The following ZNRF3 variants were observed in gnomAD, a reference collection of about 807,000 sequenced individuals.
ZNRF3 encodes zinc and ring finger 3.
ZNRF3 carries 23 observed loss-of-function variants against 72.5 expected under a neutral mutation model. The observed-to-expected ratio is 0.32, with a 90% confidence interval of 0.23 to 0.45. The LOEUF is 0.45. ZNRF3 is among the 20% of genes least tolerant of loss of function. The pLI, the probability that ZNRF3 is intolerant of heterozygous loss-of-function variation, is 1.00. For synonymous variants in ZNRF3, 610 were observed against 545.3 expected, an observed-to-expected ratio of 1.12 and a Z score of -1.65; for missense variants, 1,169 against 1,272.1, an observed-to-expected ratio of 0.92 and a Z score of 1.23.
chr22:28,906,627 C>T (rs569436723), intron 1 of ZNRF3, among the ~76,000 whole-genome samples: 16 of 152,308 alleles, frequency 1.1e-4, no homozygotes, highest in African/African-American at 3.4e-4. Flanking sequence ...AACACATGTT[C>T]GGTTGGTGTC....
intron 1 of ZNRF3, among the ~76,000 whole-genome samples, chr22:28,939,269 G>A (rs1358422974): frequency 7.4e-6 from 1 of 134,440 alleles, no homozygotes; most frequent in Non-Finnish European, 1.6e-5. Context: ...GGGCAACAGA[G>A]TGAGGCTCTA....
At chr22:28,951,764 G>A (rs917974046) in intron 1 of ZNRF3, among the ~76,000 whole-genome samples, 3 of 152,180 alleles carry the variant, frequency 2.0e-5, no homozygotes, top group African/African-American at 4.8e-5. Context: ...TGACCTGTGC[G>A]CCTGCCATGT....
intron 1 of ZNRF3, among the ~76,000 whole-genome samples, chr22:28,917,736 C>T (rs1200200074): frequency 2.0e-5 from 3 of 152,136 alleles, no homozygotes; most frequent in African/African-American, 7.2e-5. Flanking sequence ...CTCAGCTGCC[C>T]CTTGGAAAGG....
In ZNRF3 at chr22:29,049,879, C is replaced by G. The variant is rs1275296178; in HGVS notation, c.1698C>G (p.Asp566Glu). The change falls in exon 8 of 9, where the codon GAC (aspartate) becomes GAG (glutamate). Residue 566 changes from aspartate (D) to glutamate (E), a missense_variant. This residue lies in a region of ZNRF3 where 783 missense variants were observed against 731.4 expected (regional missense o/e 1.07). Coordinates refer to ENST00000544604, the MANE Select transcript of ZNRF3 (RefSeq NM_001206998.2). The surrounding 1 kb of genome is among the most constrained non-coding windows in gnomAD (Gnocchi z 5.2). ...SSGQCHCSSS[D>E]SVVDCTEVSN... Reference sequence around the variant, plus strand: ...GCCAGTGCCACTGTTCCTCCAGTGACTCTGTGGTAGACTGCACTGAGGTCA... The same window carrying G: ...GCCAGTGCCACTGTTCCTCCAGTGAGTCTGTGGTAGACTGCACTGAGGTCA... 10 of 1,604,610 alleles carry G rather than the reference C, an allele frequency of 6.2e-6. No homozygotes were observed. The highest frequency in any genetic ancestry group is 8.5e-6 in the Non-Finnish European group (10 of 1,175,016).
chr22:28,887,671 G>A (rs1249224834), intron 1 of ZNRF3, among the ~76,000 whole-genome samples: 1 of 152,092 alleles, frequency 6.6e-6, no homozygotes, highest in Non-Finnish European at 1.5e-5. Context: ...TTGCTTGTAA[G>A]AGTGTCAGGC....
chr22:28,923,264 C>T (rs533491877), intron 1 of ZNRF3, among the ~76,000 whole-genome samples: 25 of 152,192 alleles, frequency 1.6e-4, no homozygotes, highest in Non-Finnish European at 3.5e-4. Flanking sequence ...CTCTACATCC[C>T]AAAACTGGTG....
chr22:28,988,439 AATCTTTTTGTG>A, intron 2 of ZNRF3, among the ~76,000 whole-genome samples: 1 of 152,144 alleles, frequency 6.6e-6, no homozygotes, highest in Admixed American at 6.5e-5. Flanking sequence ...TCACAGGTCT[AATCTTTTTGTG>A]GTTTTTGCAT....
At position 29,056,043 on chromosome 22, in the gene ZNRF3, C is replaced by CAAAAT. The variant is rs2037291809; in HGVS notation, c.*2421_*2422insAAAAT. The stretch of plus-strand genomic sequence containing the variant: ...AAAGAAACCCATTTAATTTTTGTAG[C>CAAAAT]TTACAGGTGGTAGAAACAAAAATGC... On this transcript the variant is annotated 3_prime_UTR_variant, in exon 9 of 9. Coordinates refer to ENST00000544604, the MANE Select transcript of ZNRF3 (RefSeq NM_001206998.2). The CAAAAT allele has an allele frequency of 6.6e-6, 1 of 151,696 alleles. No homozygotes were observed. The highest frequency in any genetic ancestry group is 2.1e-4 in the South Asian group (1 of 4,816). The allele number at this position is 151,696 out of a possible 1,614,324, so 9.4% of individuals were successfully genotyped here.
chr22:28,902,023 G>A (rs1239701227), intron 1 of ZNRF3, among the ~76,000 whole-genome samples: 2 of 139,752 alleles, frequency 1.4e-5, no homozygotes, highest in African/African-American at 2.7e-5. Context: ...TGCAACCTCC[G>A]CCTCCAGGGC....
At chr22:28,891,358 T>A (rs1238222142) in intron 1 of ZNRF3, among the ~76,000 whole-genome samples, 2 of 152,216 alleles carry the variant, frequency 1.3e-5, no homozygotes, top group East Asian at 3.8e-4. Context: ...GATGTATAAT[T>A]GAGGAAAGCC....
chr22:28,980,865 G>A (rs1462311099), intron 1 of ZNRF3, among the ~76,000 whole-genome samples: 4 of 151,874 alleles, frequency 2.6e-5, no homozygotes, highest in East Asian at 3.9e-4. Context: ...TTTTCTTTAC[G>A]TTTTCATTAG....
intron 2 of ZNRF3, among the ~76,000 whole-genome samples, chr22:29,023,040 A>T (rs925843082): frequency 2.6e-5 from 4 of 152,190 alleles, no homozygotes; most frequent in Non-Finnish European, 5.9e-5. Context: ...ATTGGTTTTT[A>T]AAAAATTCTT....
In ZNRF3 at chr22:28,996,680, A is replaced by G. The variant is rs535753519; in HGVS notation, c.426+9479A>G. On this transcript the variant is annotated intron_variant, in intron 2 of 8. Coordinates refer to ENST00000544604, the MANE Select transcript of ZNRF3 (RefSeq NM_001206998.2). ...GGGGCCAAAAGAATGTTGGTTCTGA[A>G]GTGTTAGTAATTTGAGTAAAACCAA... 3.3e-5 allele frequency among the ~76,000 whole-genome samples: 5 copies of G among 152,348 alleles called. No individual in the cohort carries two copies. In the South Asian group the frequency reaches 1.0e-3, roughly 32 times the overall value.
intron 1 of ZNRF3, among the ~76,000 whole-genome samples, chr22:28,950,344 T>A (rs1368353785): frequency 6.6e-6 from 1 of 152,148 alleles, no homozygotes; most frequent in Non-Finnish European, 1.5e-5. Flanking sequence ...GGGGATAAAA[T>A]TGTTTTGAAG....
chr22:28,930,755 C>G (rs2034691504), intron 1 of ZNRF3, among the ~76,000 whole-genome samples: 1 of 152,226 alleles, frequency 6.6e-6, no homozygotes, highest in African/African-American at 2.4e-5. Flanking sequence ...ATCCTTTGCT[C>G]TTTGAGCACA....
At chr22:28,904,162 A>G (rs1050285509) in intron 1 of ZNRF3, among the ~76,000 whole-genome samples, 1 of 151,954 alleles carries the variant, frequency 6.6e-6, no homozygotes, top group Admixed American at 6.6e-5. Flanking sequence ...GCTCCTCTTC[A>G]CTCGGCCTCT....
chr22:28,916,173 C>T (rs1386513610), intron 1 of ZNRF3, among the ~76,000 whole-genome samples: 1 of 152,136 alleles, frequency 6.6e-6, no homozygotes, highest in African/African-American at 2.4e-5. Context: ...GCAATTCTTC[C>T]ACCTTAGCCT....
At chr22:28,991,279 C>CAAAAAAAAAAAA (rs59317059) in intron 2 of ZNRF3, among the ~76,000 whole-genome samples, 1 of 51,656 alleles carries the variant, frequency 1.9e-5, no homozygotes, top group Admixed American at 3.2e-4. Context: ...GACCCTCTCT[C>CAAAAAAAAAAAA]AAAAAAAAAA....
intron 1 of ZNRF3, among the ~76,000 whole-genome samples, chr22:28,955,144 G>T (rs2035236874): frequency 6.7e-6 from 1 of 149,058 alleles, no homozygotes; most frequent in Non-Finnish European, 1.5e-5. Flanking sequence ...GGGCTCAAAT[G>T]ATCCTCCTGC....
Sources: gnomAD v4.1 joint callset for allele counts (sites outside exome capture counted in the v4.1 genomes callset) on GRCh38, gnomAD v4.1.1 for gene constraint, gnomAD v4.1.1 regional missense constraint, Gnocchi (gnomAD v3.1) non-coding constraint, MANE v1.5 for transcripts, NCBI Gene and HGNC (gene_info 2026-07-23, HGNC 2026-07-21) for gene names.